AFF3: variants seen among roughly 807,000 people sequenced by gnomAD.
AFF3 encodes the protein ALF transcription elongation factor 3.
Under a neutral mutation model 129.7 loss-of-function variants are expected in AFF3, and 32 were observed. The ratio of observed to expected loss-of-function variants is 0.25; its 90% CI spans 0.19 to 0.33. The LOEUF (loss-of-function observed/expected upper bound fraction) is 0.33. Among genes scored for constraint, AFF3 ranks in the 10% least tolerant of loss-of-function variants. AFF3 has a pLI of 1.00. For missense variants in AFF3, 1,373 were observed against 1,592.0 expected, an observed-to-expected ratio of 0.86 and a Z score of 2.34; for synonymous variants, 644 against 635.4, an observed-to-expected ratio of 1.01 and a Z score of -0.20.
intron 8 of AFF3, among the ~76,000 whole-genome samples, chr2:99,826,120 C>T (rs10211228): frequency 1.9e-3 from 282 of 152,192 alleles, no homozygotes; most frequent in African/African-American, 6.6e-3. Context: ...GTTCAGGTGA[C>T]TCTCATGCCT....
intron 8 of AFF3, among the ~76,000 whole-genome samples, chr2:99,767,276 C>T (rs1028435773): frequency 1.3e-5 from 2 of 152,274 alleles, no homozygotes; most frequent in East Asian, 3.9e-4. Context: ...CGCAACAGAT[C>T]TATATTCGAA....
intron 7 of AFF3, among the ~76,000 whole-genome samples, chr2:99,880,320 G>A (rs1692616522): frequency 6.6e-6 from 1 of 152,204 alleles, no homozygotes; most frequent in East Asian, 1.9e-4. Context: ...GCCCAACTGT[G>A]TTCTGGGGCT....
At chr2:100,125,550 T>C (rs552625878) in intron 2 of AFF3, among the ~76,000 whole-genome samples, 13 of 152,078 alleles carry the variant, frequency 8.5e-5, no homozygotes, top group African/African-American at 3.1e-4. Context: ...CCCTGGGCAA[T>C]GGTACTGGAG....
At chr2:100,107,127 T>TA in intron 2 of AFF3, 2 of 985,456 alleles carry the variant, frequency 2.0e-6, no homozygotes, top group Non-Finnish European at 2.4e-6. Flanking sequence ...TTTCCAGTGT[T>TA]ATGTTTTCAT....
chr2:99,976,218 C>T (rs776492900), intron 7 of AFF3, among the ~76,000 whole-genome samples: 1 of 152,164 alleles, frequency 6.6e-6, no homozygotes, highest in East Asian at 1.9e-4. Context: ...GAGAACTGTA[C>T]TTCAACAGGA....
intron 24 of AFF3, 125 bp downstream of exon 24, chr2:99,554,186 T>C (rs894740936): frequency 3.4e-5 from 35 of 1,018,250 alleles, no homozygotes; most frequent in Non-Finnish European, 4.8e-5. Context: ...ATGCCTGATA[T>C]AATGTCAAAT....
At chr2:99,630,224 T>G (rs1451217749) in intron 13 of AFF3, among the ~76,000 whole-genome samples, 4 of 152,098 alleles carry the variant, frequency 2.6e-5, no homozygotes, top group Non-Finnish European at 5.9e-5. Context: ...ACTGGAAGCA[T>G]GATGAGGATG....
chr2:99,607,945 C>T (rs1680536724), intron 13 of AFF3, among the ~76,000 whole-genome samples: 2 of 152,202 alleles, frequency 1.3e-5, no homozygotes, highest in African/African-American at 2.4e-5. Flanking sequence ...AAGAGGTTTG[C>T]TATTGCTAAG....
chr2:99,865,241 G>C (rs914734691), intron 7 of AFF3, among the ~76,000 whole-genome samples: 2 of 152,204 alleles, frequency 1.3e-5, no homozygotes, highest in African/African-American at 4.8e-5. Context: ...CATCAGGTGT[G>C]GGGGAAAGCA....
At chr2:100,064,568 T>A (rs1687565990) in intron 4 of AFF3, among the ~76,000 whole-genome samples, 2 of 152,244 alleles carry the variant, frequency 1.3e-5, no homozygotes, top group Admixed American at 1.3e-4. Flanking sequence ...AAGAGAGACA[T>A]GTGAGTTAGC....
intron 4 of AFF3, among the ~76,000 whole-genome samples, chr2:100,037,262 G>GT (rs1213942517): frequency 6.6e-6 from 1 of 150,902 alleles, no homozygotes; most frequent in Non-Finnish European, 1.5e-5. Flanking sequence ...GAAAAATATG[G>GT]TATTTAATAA....
intron 7 of AFF3, among the ~76,000 whole-genome samples, chr2:99,999,684 C>T (rs1016092040): frequency 5.3e-5 from 8 of 152,128 alleles, no homozygotes; most frequent in African/African-American, 1.2e-4. Flanking sequence ...GGGCTATGTG[C>T]CAGCCACCGT....
intron 7 of AFF3, among the ~76,000 whole-genome samples, chr2:99,972,866 A>G (rs988161196): frequency 1.3e-5 from 2 of 152,178 alleles, no homozygotes; most frequent in African/African-American, 4.8e-5. Flanking sequence ...TCTTGGCTCC[A>G]GCTCTGCAGC....
chr2:99,970,227 G>A (rs1297065188), intron 7 of AFF3, among the ~76,000 whole-genome samples: 1 of 152,088 alleles, frequency 6.6e-6, no homozygotes, highest in Non-Finnish European at 1.5e-5. Flanking sequence ...GAAGGGAGAG[G>A]TGTCCCCATC....
At chr2:99,622,436 G>C (rs1178905890) in intron 13 of AFF3, among the ~76,000 whole-genome samples, 1 of 152,218 alleles carries the variant, frequency 6.6e-6, no homozygotes, top group Non-Finnish European at 1.5e-5. Flanking sequence ...TTATGGGCAG[G>C]CTGAGCAAAG....
chr2:99,988,750 T>C (rs945688120), intron 7 of AFF3, among the ~76,000 whole-genome samples: 14 of 152,166 alleles, frequency 9.2e-5, no homozygotes, highest in African/African-American at 3.4e-4. Context: ...CACTGGGTTC[T>C]GTAGAACACA....
At chr2:99,796,425 G>C (rs1685563097) in intron 8 of AFF3, among the ~76,000 whole-genome samples, 1 of 152,200 alleles carries the variant, frequency 6.6e-6, no homozygotes, top group Non-Finnish European at 1.5e-5. Context: ...ACAAATGCAT[G>C]AAGCAAAGGT....
At chr2:100,127,943 G>T (rs1692267506) in intron 2 of AFF3, among the ~76,000 whole-genome samples, 2 of 152,158 alleles carry the variant, frequency 1.3e-5, no homozygotes, top group South Asian at 2.1e-4. Context: ...AGGTCCTAAA[G>T]ACGTTGCTGA....
At chr2:99,852,883 C>T (rs979560466) in intron 7 of AFF3, among the ~76,000 whole-genome samples, 2 of 152,060 alleles carry the variant, frequency 1.3e-5, no homozygotes, top group Admixed American at 6.6e-5. Context: ...AATACAACAA[C>T]GTAAATTTCA....
Sources: allele counts gnomAD v4.1 joint callset (sites outside exome capture counted in the v4.1 genomes callset), GRCh38; gene constraint gnomAD v4.1.1; transcripts MANE v1.5; gene names NCBI Gene and HGNC (gene_info 2026-07-23, HGNC 2026-07-21).